FAM135B: variants seen among roughly 807,000 people sequenced by gnomAD.
FAM135B encodes the protein family with sequence similarity 135 member B.
Under a neutral mutation model 127.7 loss-of-function variants are expected in FAM135B, and 43 were observed. That is an observed-to-expected ratio of 0.34 (90% CI 0.26 to 0.43). The LOEUF (loss-of-function observed/expected upper bound fraction) is 0.43. FAM135B is among the 20% of genes least tolerant of loss of function. The probability of loss-of-function intolerance (pLI) is 1.00; values close to 1 mark genes in which losing one functional copy is unlikely to be tolerated. For missense variants in FAM135B, 1,558 were observed against 1,725.6 expected, an observed-to-expected ratio of 0.90 and a Z score of 1.72; for synonymous variants, 670 against 665.1, an observed-to-expected ratio of 1.01 and a Z score of -0.11.
At chr8:138,370,680 G>A (rs988648219) in intron 1 of FAM135B, among the ~76,000 whole-genome samples, 2 of 152,090 alleles carry the variant, frequency 1.3e-5, no homozygotes, top group Non-Finnish European at 2.9e-5. Context: ...TCGATCTCCT[G>A]ACCTCGTGAT....
At chr8:138,165,366 C>T (rs1013386743) in intron 12 of FAM135B, among the ~76,000 whole-genome samples, 9 of 151,910 alleles carry the variant, frequency 5.9e-5, no homozygotes, top group Non-Finnish European at 1.3e-4. Flanking sequence ...GTGATCCACC[C>T]GCCTCAGCCT....
At chr8:138,311,127 G>C (rs1321162146) in intron 2 of FAM135B, among the ~76,000 whole-genome samples, 1 of 152,164 alleles carries the variant, frequency 6.6e-6, no homozygotes, top group Non-Finnish European at 1.5e-5. Context: ...TGGAAGTTGA[G>C]TTCACTTGAG....
intron 7 of FAM135B, among the ~76,000 whole-genome samples, chr8:138,234,190 AG>A (rs1257609175): frequency 3.3e-5 from 5 of 152,216 alleles, no homozygotes; most frequent in Non-Finnish European, 5.9e-5. Context: ...TGTAAAAAAA[AG>A]ATGTGTTGAC....
At chr8:138,251,075 G>T (rs970586365) in intron 5 of FAM135B, 61 bp from the exon 6 acceptor site, 3 of 1,591,602 alleles carry the variant, frequency 1.9e-6, no homozygotes, top group Non-Finnish European at 1.7e-6. Context: ...TGTCCTCCTA[G>T]CATGTCTGTA....
At chr8:138,305,333 G>C (rs564791850) in intron 3 of FAM135B, among the ~76,000 whole-genome samples, 1 of 152,076 alleles carries the variant, frequency 6.6e-6, no homozygotes. Flanking sequence ...AGCCTCACTC[G>C]ACTTGAACAG....
At chr8:138,350,091 A>C (rs184330267) in intron 2 of FAM135B, among the ~76,000 whole-genome samples, 1 of 152,242 alleles carries the variant, frequency 6.6e-6, no homozygotes, top group Admixed American at 6.5e-5. Context: ...TAAAGACTAC[A>C]CTCAGTCACT....
intron 12 of FAM135B, among the ~76,000 whole-genome samples, chr8:138,154,096 G>A (rs1303961384): frequency 6.6e-6 from 1 of 152,160 alleles, no homozygotes; most frequent in Non-Finnish European, 1.5e-5. Context: ...AGCTTCCAGT[G>A]GAAGGATCAG....
intron 2 of FAM135B, among the ~76,000 whole-genome samples, chr8:138,339,376 T>C (rs1044063930): frequency 1.3e-5 from 2 of 150,590 alleles, no homozygotes; most frequent in African/African-American, 2.4e-5. Context: ...TATATATATA[T>C]ATATATATTT....
At position 138,243,526 on chromosome 8, in the gene FAM135B, C is replaced by T. The variant is rs558301251; in HGVS notation, c.543-458G>A. Among the ~76,000 whole-genome samples, 24 of 152,178 alleles carry T rather than the reference C, an allele frequency of 1.6e-4. No homozygotes were observed. The highest frequency in any genetic ancestry group is 2.9e-4 in the Non-Finnish European group (20 of 68,042). ...GCATAAAACATCTTCCTCCATGATC[C>T]GCATGAGAGTCTAATACGATGTCAA... is the stretch of plus-strand genomic sequence containing the variant. On this transcript the variant is annotated intron_variant, in intron 6 of 19. Transcript: ENST00000395297. The surrounding 1 kb of genome is among the most constrained non-coding windows in gnomAD (Gnocchi z 7.5).
chr8:138,135,606 A>C (rs538263822), intron 19 of FAM135B, among the ~76,000 whole-genome samples: 1 of 152,308 alleles, frequency 6.6e-6, no homozygotes, highest in African/African-American at 2.4e-5. Context: ...ATATTTTAGA[A>C]GGGAATTTGG....
At chr8:138,492,280 T>G (rs897398603) in intron 1 of FAM135B, among the ~76,000 whole-genome samples, 10 of 152,104 alleles carry the variant, frequency 6.6e-5, no homozygotes, top group African/African-American at 2.4e-4. Context: ...CCCTAGAATG[T>G]CTCACTGATA....
At chr8:138,377,245 T>A (rs1239972473) in intron 1 of FAM135B, among the ~76,000 whole-genome samples, 1 of 152,204 alleles carries the variant, frequency 6.6e-6, no homozygotes, top group Non-Finnish European at 1.5e-5. Flanking sequence ...ACATTACTGT[T>A]CTCAAACGAT....
At chr8:138,488,577 G>A (rs1815075635) in intron 1 of FAM135B, among the ~76,000 whole-genome samples, 1 of 152,186 alleles carries the variant, frequency 6.6e-6, no homozygotes, top group Non-Finnish European at 1.5e-5. Flanking sequence ...AACCAGCAGT[G>A]TAGACACAAA....
At chr8:138,135,236 A>G (rs963681912) in intron 19 of FAM135B, among the ~76,000 whole-genome samples, 3 of 152,202 alleles carry the variant, frequency 2.0e-5, no homozygotes, top group Non-Finnish European at 4.4e-5. Context: ...AATGTCAACA[A>G]AAATATTTCT....
intron 12 of FAM135B, among the ~76,000 whole-genome samples, chr8:138,154,842 G>A (rs1184576390): frequency 3.3e-5 from 5 of 152,228 alleles, no homozygotes; most frequent in Non-Finnish European, 5.9e-5. Flanking sequence ...AAGTGACGAG[G>A]AGAATGGAAC....
At chr8:138,376,446 C>T (rs1831477938) in intron 1 of FAM135B, among the ~76,000 whole-genome samples, 1 of 152,190 alleles carries the variant, frequency 6.6e-6, no homozygotes, top group South Asian at 2.1e-4. Context: ...TGTGTATTCT[C>T]CACCCTCTCA....
At chr8:138,309,201 C>T (rs1826481579) in intron 3 of FAM135B, among the ~76,000 whole-genome samples, 1 of 152,122 alleles carries the variant, frequency 6.6e-6, no homozygotes, top group African/African-American at 2.4e-5. Flanking sequence ...AAATCCCCTG[C>T]TCTCTCTGTG....
chr8:138,274,463 C>T (rs1823650565), intron 3 of FAM135B, among the ~76,000 whole-genome samples: 1 of 152,184 alleles, frequency 6.6e-6, no homozygotes, highest in Non-Finnish European at 1.5e-5. Context: ...AGGGCGAGAT[C>T]ACAGGACCAC....
chr8:138,460,647 T>C (rs1289300133), intron 1 of FAM135B, among the ~76,000 whole-genome samples: 2 of 152,166 alleles, frequency 1.3e-5, no homozygotes, highest in African/African-American at 4.8e-5. Flanking sequence ...GATGCTCCTC[T>C]AGGTGACTCC....
Sources: allele counts gnomAD v4.1 joint callset (sites outside exome capture counted in the v4.1 genomes callset), GRCh38; gene constraint gnomAD v4.1.1; non-coding constraint Gnocchi (gnomAD v3.1); transcripts MANE v1.5; gene names NCBI Gene and HGNC (gene_info 2026-07-23, HGNC 2026-07-21).